The following FEZ1 variants were observed in gnomAD, a reference collection of about 807,000 sequenced individuals.
FEZ1 encodes fasciculation and elongation protein zeta 1.
FEZ1 carries 20 observed loss-of-function variants against 49.3 expected under a neutral mutation model. The observed-to-expected ratio is 0.41, with a 90% CI of 0.29 to 0.59. The LOEUF (loss-of-function observed/expected upper bound fraction) is 0.59. Among genes scored for constraint, FEZ1 ranks in the 20% least tolerant of loss-of-function variants. The pLI, the probability that FEZ1 is intolerant of heterozygous loss-of-function variation, is 0.36. For synonymous variants in FEZ1, 170 were observed against 180.9 expected (o/e 0.94, Z 0.48); for missense variants, 413 against 476.0 (o/e 0.87, Z 1.23).
Position 125,489,860 on chromosome 11 carries a change from G to C in FEZ1, c.-45-38C>G. ...AACAGCGTAATGTGAGTTTAGACCA[G>C]GCTAATCTAAATAATAGAGTTAACT... is the stretch of plus-strand genomic sequence containing the variant. On this transcript the variant is annotated intron_variant, in intron 1 of 9. Coordinates refer to ENST00000278919, the MANE Select transcript of FEZ1 (RefSeq NM_005103.5). The surrounding 1 kb of genome is among the most constrained non-coding windows in gnomAD (Gnocchi z 4.2). 6.8e-7 allele frequency: 1 copy of C among 1,472,380 alleles called. No homozygotes were observed. The highest frequency in any genetic ancestry group is 9.0e-7 in the Non-Finnish European group (1 of 1,110,558). 91.2% of individuals were successfully genotyped at this position (1,472,380 alleles called of 1,614,324 possible).
intron 2 of FEZ1, among the ~76,000 whole-genome samples, chr11:125,487,287 G>A (rs1419167627): frequency 6.6e-6 from 1 of 152,178 alleles, no homozygotes; most frequent in Non-Finnish European, 1.5e-5. Flanking sequence ...TCCTGGGTGA[G>A]GTAAGAAATT....
chr11:125,489,666 G>C lies in FEZ1; in HGVS notation c.112C>G (p.Leu38Val), dbSNP rs902907398. 1 of 1,614,090 alleles carries C rather than the reference G, an allele frequency of 6.2e-7. No individual in the cohort carries two copies. The highest frequency in any genetic ancestry group is 1.3e-5 in the African/African-American group (1 of 75,024). The change falls in exon 2 of 10, where the codon CTC (leucine) becomes GTC (valine). Residue 38 changes from leucine (L) to valine (V), a missense_variant. Coordinates refer to ENST00000278919, the MANE Select transcript of FEZ1 (RefSeq NM_005103.5). The surrounding 1 kb of genome is among the most constrained non-coding windows in gnomAD (Gnocchi z 4.2). ...QCFYGSSPHHLEDPSLSELEN... is the reference protein window; with the variant it reads ...QCFYGSSPHHVEDPSLSELEN... Reference sequence around the variant, plus strand: ...AGCTCGGAGAGGGAGGGGTCCTCGAGATGGTGGGGAGATGAACCATAGAAA... The same window carrying C: ...AGCTCGGAGAGGGAGGGGTCCTCGACATGGTGGGGAGATGAACCATAGAAA...
At chr11:125,494,611 T>C (rs1174451529) in intron 1 of FEZ1, among the ~76,000 whole-genome samples, 1 of 152,218 alleles carries the variant, frequency 6.6e-6, no homozygotes, top group Non-Finnish European at 1.5e-5. Flanking sequence ...TTTTTCTCTT[T>C]ACCACAGAAC....
rs557072199 is a variant in FEZ1 at position 125,459,366 on chromosome 11, C to T, written c.667+1132G>A. ...CAGCACTTTGGGAGACCGAGGCAGG[C>T]GGATAACCTGAGGTCAGGAGTTTGA... On this transcript the variant is annotated intron_variant, in intron 5 of 9. Coordinates refer to ENST00000278919, the MANE Select transcript of FEZ1 (RefSeq NM_005103.5). Among the ~76,000 whole-genome samples the T allele has an allele frequency of 1.3e-4, 20 of 152,160 alleles. No individual in the cohort carries two copies. In the East Asian group the frequency reaches 3.3e-3, roughly 25 times the overall value.
At chr11:125,454,095 A>T in intron 7 of FEZ1, 35 bp downstream of exon 7, 1 of 1,532,050 alleles carries the variant, frequency 6.5e-7, no homozygotes, top group Non-Finnish European at 9.0e-7. Flanking sequence ...GCAGGAGTCT[A>T]GGAAGAGAGC....
At chr11:125,452,452 T>G (rs1457664703) in intron 7 of FEZ1, 43 bp from the exon 8 acceptor site, 1 of 1,305,286 alleles carries the variant, frequency 7.7e-7, no homozygotes, top group Admixed American at 1.7e-5. Context: ...ACAGAAGACA[T>G]GCTTCCTCTG....
intron 3 of FEZ1, among the ~76,000 whole-genome samples, chr11:125,470,325 A>G (rs1220154883): frequency 1.3e-5 from 2 of 152,238 alleles, no homozygotes; most frequent in Non-Finnish European, 2.9e-5. Context: ...TAGAAATTAA[A>G]GGTATGATAG....
rs181942306 is a variant in FEZ1, at chr11:125,444,517, G to A, written c.*1578C>T. 9.5e-4 allele frequency among the ~76,000 whole-genome samples: 145 copies of A among 152,196 alleles called. No homozygotes were observed. Among genetic ancestry groups the A allele is most frequent in the Non-Finnish European group, 1.3e-3 (88 of 68,004 alleles). On this transcript the variant is annotated 3_prime_UTR_variant, in exon 10 of 10. Transcript: ENST00000278919. ...GGAGAATCACTTGAACGTGGGAGGC[G>A]GAGTTTGCGGCGAGCTGAGATAGCG...
intron 5 of FEZ1, among the ~76,000 whole-genome samples, chr11:125,459,314 G>A (rs1410589125): frequency 2.0e-5 from 3 of 152,050 alleles, no homozygotes; most frequent in Non-Finnish European, 2.9e-5. Flanking sequence ...TTTCTAGGCC[G>A]GGCATGGTGG....
In FEZ1 at chr11:125,444,326, C is replaced by T. The variant is rs1956878832; in HGVS notation, c.*1769G>A. On this transcript the variant is annotated 3_prime_UTR_variant, in exon 10 of 10. Coordinates refer to ENST00000278919, the MANE Select transcript of FEZ1 (RefSeq NM_005103.5). Reference sequence around the variant, plus strand: ...CCGAGCTAGGCGCGGTGACTCACGCCTATAATCCCAGCACTTTGGGAAGCC... The same window carrying T: ...CCGAGCTAGGCGCGGTGACTCACGCTTATAATCCCAGCACTTTGGGAAGCC... Among the ~76,000 whole-genome samples the T allele has an allele frequency of 6.6e-6, 1 of 152,196 alleles. No individual in the cohort carries two copies. The highest frequency in any genetic ancestry group is 2.4e-5 in the African/African-American group (1 of 41,448).
At chr11:125,465,024 C>A (rs1957113941) in intron 3 of FEZ1, among the ~76,000 whole-genome samples, 1 of 151,960 alleles carries the variant, frequency 6.6e-6, no homozygotes, top group Admixed American at 6.6e-5. Flanking sequence ...AGAAGTTAGC[C>A]CAAAATTAAG....
intron 3 of FEZ1, among the ~76,000 whole-genome samples, chr11:125,470,189 A>G (rs1379300625): frequency 6.6e-6 from 1 of 152,214 alleles, no homozygotes; most frequent in African/African-American, 2.4e-5. Flanking sequence ...ATAACAGAAC[A>G]CCTTGCTTCC....
intron 3 of FEZ1, among the ~76,000 whole-genome samples, chr11:125,465,165 A>G (rs909683643): frequency 1.3e-5 from 2 of 152,232 alleles, no homozygotes; most frequent in African/African-American, 2.4e-5. Flanking sequence ...GTTATTTTTC[A>G]TAAGCATCTA....
intron 1 of FEZ1, among the ~76,000 whole-genome samples, chr11:125,493,326 C>T (rs1354226588): frequency 7.4e-6 from 1 of 135,096 alleles, no homozygotes; most frequent in Non-Finnish European, 1.5e-5. Flanking sequence ...AAGAGCGAAA[C>T]TCCATCTCAA....
chr11:125,495,924 G>T lies in FEZ1; in HGVS notation c.-46+197C>A. ...GGGCCTGGCGCGGCGTCCCAGCTGCGCTCCCTGAAGGGCTGGGCAGGAAGG... is the reference window on the plus strand; with the variant it reads ...GGGCCTGGCGCGGCGTCCCAGCTGCTCTCCCTGAAGGGCTGGGCAGGAAGG... On this transcript the variant is annotated intron_variant, in intron 1 of 9. Transcript: ENST00000278919. The surrounding 1 kb of genome is among the most constrained non-coding windows in gnomAD (Gnocchi z 4.2). 3.8e-6 allele frequency: 1 copy of T among 259,990 alleles called. No individual in the cohort carries two copies. Among genetic ancestry groups the T allele is most frequent in the Non-Finnish European group, 7.5e-6 (1 of 133,236 alleles). The allele number at this position is 259,990 out of a possible 1,614,324, so 16.1% of individuals were successfully genotyped here.
Position 125,486,012 on chromosome 11 carries a change from C to T in FEZ1, c.311+3455G>A, listed in dbSNP as rs542990007. ...GTTTGCTCAACTTTCTAGATGTCCT[C>T]AAATGTTTAAATAGAATCAATACTA... On this transcript the variant is annotated intron_variant, in intron 2 of 9. Coordinates refer to ENST00000278919, the MANE Select transcript of FEZ1 (RefSeq NM_005103.5). 4.6e-5 allele frequency among the ~76,000 whole-genome samples: 7 copies of T among 152,276 alleles called. No homozygotes were observed. The South Asian group carries it at 1.0e-3, about 23-fold the overall frequency.
intron 3 of FEZ1, among the ~76,000 whole-genome samples, chr11:125,478,503 G>C (rs549390537): frequency 9.2e-5 from 14 of 152,312 alleles, no homozygotes; most frequent in Admixed American, 2.0e-4. Flanking sequence ...GCTCACTAGA[G>C]AGAAGCATCA....
intron 3 of FEZ1, among the ~76,000 whole-genome samples, chr11:125,481,197 A>G (rs1957276229): frequency 6.7e-6 from 1 of 150,026 alleles, no homozygotes; most frequent in Non-Finnish European, 1.5e-5. Context: ...CTCCTCTACA[A>G]CTCCTCCTTC....
chr11:125,493,555 G>A (rs1957426354), intron 1 of FEZ1, among the ~76,000 whole-genome samples: 1 of 143,162 alleles, frequency 7.0e-6, no homozygotes, highest in Non-Finnish European at 1.6e-5. Flanking sequence ...AGAAAGAAAG[G>A]TGATGTGGGA....
Sources: gnomAD v4.1 joint callset for allele counts (sites outside exome capture counted in the v4.1 genomes callset) on GRCh38, gnomAD v4.1.1 for gene constraint, Gnocchi (gnomAD v3.1) non-coding constraint, MANE v1.5 for transcripts, NCBI Gene and HGNC (gene_info 2026-07-23, HGNC 2026-07-21) for gene names.